The following NAALADL2 variants were observed in gnomAD, a reference collection of about 807,000 sequenced individuals.
NAALADL2 encodes the protein N-acetylated alpha-linked acidic dipeptidase like 2.
A neutral mutation model predicts 87.2 loss-of-function variants in NAALADL2; 76 were observed. That is an observed-to-expected ratio of 0.87 (90% CI 0.72 to 1.05). The LOEUF (loss-of-function observed/expected upper bound fraction) is 1.05, where lower values mean the gene tolerates loss of function less well. NAALADL2 is among the 50% of genes least tolerant of loss of function. NAALADL2 has a pLI of 0.00. For synonymous variants in NAALADL2, 354 were observed against 331.0 expected (o/e 1.07, Z -0.75); for missense variants, 1,089 against 945.8 (o/e 1.15, Z -1.99).
rs144875647 is a variant in NAALADL2 at position 174,617,377 on chromosome 3, G to A, written c.-115+66740G>A. 2.7e-3 allele frequency among the ~76,000 whole-genome samples: 407 copies of A among 151,576 alleles called. 2 individuals carry two copies. The highest frequency in any genetic ancestry group is 8.8e-3 in the African/African-American group (365 of 41,434). Reference sequence around the variant, plus strand: ...TCATAAATTTAGTCATAGCGATCTCGTTACAAATCCCATTTTAATTAAGAT... The same window carrying A: ...TCATAAATTTAGTCATAGCGATCTCATTACAAATCCCATTTTAATTAAGAT... On this transcript the variant is annotated intron_variant, in intron 2 of 3. Transcript: ENST00000434257.
rs760910956 is a variant in NAALADL2, at chr3:175,810,035, A to G, written c.*6832A>G. The G allele has an allele frequency of 2.0e-5, 3 of 152,178 alleles. No homozygotes were observed. The South Asian group carries it at 6.2e-4, about 31-fold the overall frequency. The allele number at this position is 152,178 out of a possible 1,614,324, so 9.4% of individuals were successfully genotyped here. On this transcript the variant is annotated 3_prime_UTR_variant, in exon 14 of 14. Transcript: ENST00000454872. ...CTGTTGTGGTGTTTAGCCTTGTTCA[A>G]AATGATTTGATTATCATCTGGATTC...
chr3:175,423,028 A>AAAAAAATATATATATATAT (rs1438736874), intron 5 of NAALADL2, among the ~76,000 whole-genome samples: 2 of 111,308 alleles, frequency 1.8e-5, no homozygotes, highest in African/African-American at 4.1e-5. Flanking sequence ...GAAAAAAAAA[A>AAAAAAATATATATATATAT]ATATATATAT....
chr3:174,972,042 A>T (rs772465253), intron 1 of NAALADL2, among the ~76,000 whole-genome samples: 8 of 152,048 alleles, frequency 5.3e-5, no homozygotes, highest in Non-Finnish European at 8.8e-5. Context: ...GAGTGGTGTC[A>T]GCCTCTTTAT....
intron 5 of NAALADL2, among the ~76,000 whole-genome samples, chr3:175,371,829 G>T (rs1432967693): frequency 6.7e-6 from 1 of 149,794 alleles, no homozygotes; most frequent in Admixed American, 6.7e-5. Context: ...AAAAAAAAAA[G>T]ATAACCACTA....
chr3:175,378,437 C>T lies in NAALADL2; in HGVS notation c.1090+54112C>T, dbSNP rs141325666. On this transcript the variant is annotated intron_variant, in intron 5 of 13. Coordinates refer to ENST00000454872, the MANE Select transcript of NAALADL2 (RefSeq NM_207015.3). Reference sequence around the variant, plus strand: ...CTTCATTATGTTGTGCTTTGTATTGCATGGTGGTTCATTTAGTCGTGAACC... The same window carrying T: ...CTTCATTATGTTGTGCTTTGTATTGTATGGTGGTTCATTTAGTCGTGAACC... Among the ~76,000 whole-genome samples, 125 of 152,314 alleles carry T rather than the reference C, an allele frequency of 8.2e-4. 1 individual carries two copies. The highest frequency in any genetic ancestry group is 6.8e-3 in the Middle Eastern group (2 of 294).
intron 1 of NAALADL2, among the ~76,000 whole-genome samples, chr3:175,022,171 C>T (rs1468380082): frequency 6.6e-6 from 1 of 152,008 alleles, no homozygotes; most frequent in African/African-American, 2.4e-5. Flanking sequence ...TGCCATGCTT[C>T]TTGTATAGCC....
chr3:175,017,274 G>C (rs1750960602), intron 1 of NAALADL2, among the ~76,000 whole-genome samples: 1 of 151,776 alleles, frequency 6.6e-6, no homozygotes, highest in South Asian at 2.1e-4. Flanking sequence ...AAAATAGCCA[G>C]ACACTATTTT....
intron 1 of NAALADL2, among the ~76,000 whole-genome samples, chr3:174,916,376 A>G (rs902182124): frequency 6.6e-6 from 1 of 152,126 alleles, no homozygotes; most frequent in Non-Finnish European, 1.5e-5. Flanking sequence ...TATCTACCCA[A>G]AGGAAAATAA....
intron 13 of NAALADL2, among the ~76,000 whole-genome samples, chr3:175,772,694 G>C (rs1474334201): frequency 6.6e-6 from 1 of 152,106 alleles, no homozygotes; most frequent in East Asian, 1.9e-4. Flanking sequence ...CTAAGCAGTG[G>C]CCGCTATTCA....
intron 1 of NAALADL2, among the ~76,000 whole-genome samples, chr3:175,075,382 A>AAAGT (rs1716411061): frequency 6.6e-6 from 1 of 152,208 alleles, no homozygotes; most frequent in Non-Finnish European, 1.5e-5. Flanking sequence ...AGGAAACTAC[A>AAAGT]AAGTAAATGA....
At chr3:175,046,331 A>C (rs1375751750) in intron 1 of NAALADL2, among the ~76,000 whole-genome samples, 1 of 152,148 alleles carries the variant, frequency 6.6e-6, no homozygotes. Flanking sequence ...TTGGGCAGCT[A>C]TTTTGACTAT....
At chr3:174,946,536 T>C (rs1739447908) in intron 1 of NAALADL2, among the ~76,000 whole-genome samples, 1 of 152,234 alleles carries the variant, frequency 6.6e-6, no homozygotes, top group Admixed American at 6.5e-5. Context: ...TAAAGTCACT[T>C]AGAACAGTGC....
chr3:175,772,433 A>G (rs577294822), intron 13 of NAALADL2, among the ~76,000 whole-genome samples: 2 of 152,140 alleles, frequency 1.3e-5, no homozygotes, highest in African/African-American at 2.4e-5. Context: ...AGATGCTTCT[A>G]TCTACAATTT....
intron 1 of NAALADL2, among the ~76,000 whole-genome samples, chr3:175,036,804 C>CTTTTTTTTTTTTTT (rs10662446): frequency 8.5e-6 from 1 of 117,360 alleles, no homozygotes; most frequent in African/African-American, 3.3e-5. Context: ...TCCATCTGTT[C>CTTTTTTTTTTTTTT]TTTTTTTTTT....
intron 4 of NAALADL2, among the ~76,000 whole-genome samples, chr3:175,275,549 A>G (rs1753468561): frequency 6.6e-6 from 1 of 151,768 alleles, no homozygotes; most frequent in South Asian, 2.1e-4. Context: ...TTTAACAACC[A>G]TTTACAGGCA....
At chr3:174,913,762 T>C (rs1170965053) in intron 1 of NAALADL2, among the ~76,000 whole-genome samples, 1 of 152,174 alleles carries the variant, frequency 6.6e-6, no homozygotes, top group Non-Finnish European at 1.5e-5. Flanking sequence ...TATCTGCTGA[T>C]CAAGTTAATT....
chr3:174,733,657 G>A (rs920647749), intron 2 of NAALADL2, among the ~76,000 whole-genome samples: 9 of 152,200 alleles, frequency 5.9e-5, no homozygotes, highest in African/African-American at 2.2e-4. Flanking sequence ...GGGTCCTGCT[G>A]CTTGCCACGC....
chr3:174,498,959 A>G lies in NAALADL2; in HGVS notation c.-183-51610A>G, dbSNP rs186908620. Among the ~76,000 whole-genome samples, 457 of 152,224 alleles carry G rather than the reference A, an allele frequency of 3.0e-3. 3 individuals are homozygous for G. Among genetic ancestry groups the G allele is most frequent in the African/African-American group, 0.01 (430 of 41,568 alleles). The stretch of plus-strand genomic sequence containing the variant: ...AGTAAACAAAAAATAGGGTAAGTCC[A>G]GAACAGTAAGTTATTCTGAGAGAGA... On this transcript the variant is annotated intron_variant, in intron 1 of 3. Coordinates refer to the NAALADL2 transcript ENST00000434257.
At chr3:175,457,368 G>A (rs1381666351) in intron 6 of NAALADL2, among the ~76,000 whole-genome samples, 1 of 151,974 alleles carries the variant, frequency 6.6e-6, no homozygotes, top group African/African-American at 2.4e-5. Flanking sequence ...CCCTATTGAA[G>A]TTACTTTATA....
Sources: gnomAD v4.1 joint callset for allele counts (sites outside exome capture counted in the v4.1 genomes callset) on GRCh38, gnomAD v4.1.1 for gene constraint, MANE v1.5 for transcripts, NCBI Gene and HGNC (gene_info 2026-07-23, HGNC 2026-07-21) for gene names.